Variants in PKD2 observed in about 807,000 individuals in gnomAD.
PKD2 encodes polycystin-2.
PKD2 carries 48 observed loss-of-function variants against 105.9 expected under a neutral mutation model. That is an observed-to-expected ratio of 0.45 (90% CI 0.36 to 0.58). PKD2 has a LOEUF of 0.58. Among genes scored for constraint, PKD2 ranks in the 20% least tolerant of loss-of-function variants. PKD2 has a pLI of 0.00. For missense variants in PKD2, 1,078 were observed against 1,255.3 expected (o/e 0.86, Z 2.13); for synonymous variants, 464 against 481.1 (o/e 0.96, Z 0.46).
chr4:88,061,678 C>T (rs1720576119), intron 9 of PKD2, among the ~76,000 whole-genome samples: 1 of 151,860 alleles, frequency 6.6e-6, no homozygotes, highest in South Asian at 2.1e-4. Context: ...GCAGAGGTTG[C>T]AGTAAGCTGA....
intron 7 of PKD2, among the ~76,000 whole-genome samples, chr4:88,054,677 C>T (rs1293075497): frequency 1.9e-5 from 2 of 105,748 alleles, no homozygotes; most frequent in African/African-American, 4.5e-5. Context: ...TTTTTTGGGA[C>T]GGAGTCTTGC....
At chr4:88,063,249 A>G (rs1720648675) in intron 10 of PKD2, among the ~76,000 whole-genome samples, 1 of 152,356 alleles carries the variant, frequency 6.6e-6, no homozygotes, top group East Asian at 1.9e-4. Context: ...ACAAAAATGG[A>G]TAATTGAAAA....
chr4:88,038,557 C>T, intron 4 of PKD2, 56 bp downstream of exon 4: 1 of 1,562,556 alleles, frequency 6.4e-7, no homozygotes, highest in South Asian at 1.1e-5. Context: ...ATTCTCTGAA[C>T]TCCCACCATT....
rs879584513 is a variant in PKD2, at chr4:88,046,127, CA to C, written c.1320-502del. Among the ~76,000 whole-genome samples, 1,312 of 134,642 alleles carry C rather than the reference CA, an allele frequency of 9.7e-3. 6 individuals are homozygous for C. The highest frequency in any genetic ancestry group is 0.029 in the African/African-American group (1,074 of 36,742). The allele number at this position is 134,642 out of a possible 152,430, so 88.3% of individuals were successfully genotyped here. On this transcript the variant is annotated intron_variant, in intron 5 of 14. Coordinates refer to ENST00000237596, the MANE Select transcript of PKD2 (RefSeq NM_000297.4). ...CAAAAGGGCAAGACTCAGTCTCTGC[CA>C]AAAAAAAAAAAATTAGTTGGGCATG...
intron 9 of PKD2, among the ~76,000 whole-genome samples, chr4:88,058,495 A>G (rs1257783412): frequency 6.6e-6 from 1 of 152,150 alleles, no homozygotes; most frequent in East Asian, 1.9e-4. Context: ...TTAAACTCAT[A>G]TGTCAGCACT....
intron 7 of PKD2, among the ~76,000 whole-genome samples, chr4:88,055,493 C>T (rs1429633606): frequency 2.6e-5 from 4 of 152,204 alleles, no homozygotes; most frequent in African/African-American, 9.6e-5. Context: ...TGTGCCACCA[C>T]ACCTGACTAA....
intron 6 of PKD2, 146 bp downstream of exon 6, chr4:88,047,016 T>C: frequency 1.4e-6 from 1 of 694,282 alleles, no homozygotes; most frequent in Non-Finnish European, 2.6e-6. Context: ...CTGTTACTAA[T>C]TATTTTCTCA....
At chr4:88,055,656 A>G (rs1188695700) in intron 7 of PKD2, among the ~76,000 whole-genome samples, 1 of 134,092 alleles carries the variant, frequency 7.5e-6, no homozygotes, top group Non-Finnish European at 1.6e-5. Flanking sequence ...TTTTTTTTTT[A>G]ATTGTAGATA....
Position 88,014,806 on chromosome 4 carries a change from T to G in PKD2, c.596-4652T>G, listed in dbSNP as rs1726506444. 2.0e-5 allele frequency among the ~76,000 whole-genome samples: 3 copies of G among 152,338 alleles called. No individual in the cohort carries two copies. In the South Asian group the frequency reaches 6.2e-4, roughly 32 times the overall value. On this transcript the variant is annotated intron_variant, in intron 1 of 14. Transcript: ENST00000237596. ...GACCAACTGGGCCTCCTAAGGCCAT[T>G]TTGCAGATCTGGGCTTGTTTCTGAA...
chr4:88,052,495 C>G (rs1314283851), intron 7 of PKD2, among the ~76,000 whole-genome samples: 1 of 152,100 alleles, frequency 6.6e-6, no homozygotes, highest in Non-Finnish European at 1.5e-5. Context: ...GTTTTGAACT[C>G]CTGGGTTCAA....
intron 9 of PKD2, among the ~76,000 whole-genome samples, chr4:88,059,754 T>C (rs755255326): frequency 3.3e-5 from 5 of 151,436 alleles, no homozygotes; most frequent in Non-Finnish European, 7.4e-5. Context: ...CGTACATACA[T>C]ACATACATAC....
At chr4:88,021,162 A>C (rs1726734837) in intron 2 of PKD2, among the ~76,000 whole-genome samples, 1 of 152,232 alleles carries the variant, frequency 6.6e-6, no homozygotes, top group Non-Finnish European at 1.5e-5. Flanking sequence ...TTCTTATGCA[A>C]AATAGAAGGT....
At chr4:88,072,738 C>T (rs540407919) in intron 13 of PKD2, among the ~76,000 whole-genome samples, 1 of 152,156 alleles carries the variant, frequency 6.6e-6, no homozygotes, top group African/African-American at 2.4e-5. Context: ...CTGCAACATG[C>T]ATTTAAGAAT....
intron 1 of PKD2, among the ~76,000 whole-genome samples, chr4:88,013,144 T>C (rs1300714302): frequency 1.3e-5 from 2 of 152,180 alleles, no homozygotes; most frequent in Non-Finnish European, 2.9e-5. Flanking sequence ...ATTCGCACCA[T>C]AATTTTGAAC....
intron 9 of PKD2, among the ~76,000 whole-genome samples, chr4:88,059,133 G>A (rs1282245489): frequency 6.6e-6 from 1 of 151,992 alleles, no homozygotes; most frequent in East Asian, 1.9e-4. Context: ...TTAATTTCCT[G>A]TTTAAAAAAA....
At chr4:88,009,617 G>A (rs1726318029) in intron 1 of PKD2, among the ~76,000 whole-genome samples, 1 of 152,078 alleles carries the variant, frequency 6.6e-6, no homozygotes, top group Non-Finnish European at 1.5e-5. Context: ...AAATATAAAT[G>A]TAAACATTTT....
intron 4 of PKD2, among the ~76,000 whole-genome samples, chr4:88,038,965 T>C (rs896416440): frequency 6.6e-6 from 1 of 152,220 alleles, no homozygotes; most frequent in Non-Finnish European, 1.5e-5. Context: ...AAGCCCATTT[T>C]GTTCAAATGT....
chr4:88,070,369 T>C (rs1237341873), intron 13 of PKD2, among the ~76,000 whole-genome samples: 1 of 151,848 alleles, frequency 6.6e-6, no homozygotes, highest in African/African-American at 2.4e-5. Flanking sequence ...CTTTCTCTTC[T>C]CCTTTGGGAC....
chr4:88,014,204 G>T (rs1213844513), intron 1 of PKD2, among the ~76,000 whole-genome samples: 1 of 152,204 alleles, frequency 6.6e-6, no homozygotes, highest in African/African-American at 2.4e-5. Flanking sequence ...TTCTGGCATG[G>T]TACCATTAAC....
Sources: allele counts gnomAD v4.1 joint callset (sites outside exome capture counted in the v4.1 genomes callset), GRCh38; gene constraint gnomAD v4.1.1; transcripts MANE v1.5; gene names NCBI Gene and HGNC (gene_info 2026-07-23, HGNC 2026-07-21).